ELF2: variants seen among roughly 807,000 people sequenced by gnomAD.
ELF2 encodes E74 like ETS transcription factor 2, also known as ETS-related transcription factor Elf-2.
Under a neutral mutation model 54.8 loss-of-function variants are expected in ELF2, and 11 were observed. The observed-to-expected ratio is 0.20, with a 90% confidence interval of 0.13 to 0.33. The LOEUF (loss-of-function observed/expected upper bound fraction) is 0.33. ELF2 is among the 10% of genes least tolerant of loss of function. The probability of loss-of-function intolerance (pLI) is 1.00; values close to 1 mark genes in which losing one functional copy is unlikely to be tolerated. For synonymous variants in ELF2, 203 were observed against 245.1 expected, an observed-to-expected ratio of 0.83 and a Z score of 1.61; for missense variants, 513 against 703.0, an observed-to-expected ratio of 0.73 and a Z score of 3.06.
intron 1 of ELF2, among the ~76,000 whole-genome samples, chr4:139,146,705 C>A (rs1442220551): frequency 6.6e-6 from 1 of 151,984 alleles, no homozygotes; most frequent in African/African-American, 2.4e-5. Flanking sequence ...ATTAAAGAAT[C>A]CAGAAATAAA....
intron 1 of ELF2, among the ~76,000 whole-genome samples, chr4:139,176,403 C>A (rs970544365): frequency 7.9e-5 from 12 of 152,186 alleles, no homozygotes; most frequent in Non-Finnish European, 1.3e-4. Context: ...CAGCGCCCCC[C>A]CCCGCCTGCC....
rs570898307 is a variant in ELF2, at chr4:139,139,799, T to TC, written c.-251-303dup. Among the ~76,000 whole-genome samples, 429 of 152,214 alleles carry TC rather than the reference T, an allele frequency of 2.8e-3. 4 individuals carry two copies. The highest frequency in any genetic ancestry group is 9.8e-3 in the African/African-American group (409 of 41,530). ...CATTTCAAACAGGTTCTTTTTTTTTTCTCCATTGGGCAAGTTCTAATAACA... is the reference window on the plus strand; with the variant it reads ...CATTTCAAACAGGTTCTTTTTTTTTTCCTCCATTGGGCAAGTTCTAATAACA... On this transcript the variant is annotated intron_variant, in intron 1 of 9. Transcript: ENST00000686138.
intron 1 of ELF2, among the ~76,000 whole-genome samples, chr4:139,151,076 GAAA>G: frequency 7.3e-6 from 1 of 137,868 alleles, no homozygotes; most frequent in Non-Finnish European, 1.6e-5. Flanking sequence ...AAGAAAGAAA[GAAA>G]GAAAGAAAGA....
chr4:139,093,939 C>T (rs369724374), intron 4 of ELF2, among the ~76,000 whole-genome samples: 3 of 148,508 alleles, frequency 2.0e-5, no homozygotes, highest in East Asian at 2.0e-4. Flanking sequence ...TAACTCATTG[C>T]CCAGGCTGGA....
chr4:139,150,646 C>T (rs1173065579), intron 1 of ELF2, among the ~76,000 whole-genome samples: 2 of 151,262 alleles, frequency 1.3e-5, no homozygotes, highest in Non-Finnish European at 2.9e-5. Flanking sequence ...TCAAATATAC[C>T]AATGGAACAC....
intron 1 of ELF2, among the ~76,000 whole-genome samples, chr4:139,146,432 T>C (rs1219473831): frequency 6.6e-6 from 1 of 152,170 alleles, no homozygotes; most frequent in Non-Finnish European, 1.5e-5. Flanking sequence ...ATCAATATCA[T>C]GAAAATGACC....
chr4:139,156,458 C>T (rs1172798639), intron 1 of ELF2, among the ~76,000 whole-genome samples: 2 of 152,120 alleles, frequency 1.3e-5, no homozygotes, highest in Admixed American at 6.6e-5. Context: ...GGATTACAGG[C>T]GTTAGCCACC....
intron 4 of ELF2, among the ~76,000 whole-genome samples, chr4:139,094,805 T>C (rs183347846): frequency 9.8e-4 from 149 of 152,344 alleles, no homozygotes; most frequent in Non-Finnish European, 1.5e-3. Flanking sequence ...AGGCATCTAA[T>C]TTTAGATTTA....
chr4:139,091,644 C>G (rs934763168), intron 4 of ELF2, among the ~76,000 whole-genome samples: 1 of 152,004 alleles, frequency 6.6e-6, no homozygotes, highest in Non-Finnish European at 1.5e-5. Context: ...CCATTGCACC[C>G]GGCTATTTTT....
intron 3 of ELF2, among the ~76,000 whole-genome samples, chr4:139,130,239 TA>T (rs888327578): frequency 2.3e-4 from 34 of 147,888 alleles, no homozygotes; most frequent in East Asian, 7.9e-4. Context: ...CAAACAACAA[TA>T]AAAAAAAAAT....
intron 4 of ELF2, among the ~76,000 whole-genome samples, chr4:139,117,099 A>G (rs897405534): frequency 6.6e-6 from 1 of 152,208 alleles, no homozygotes; most frequent in Admixed American, 6.5e-5. Flanking sequence ...TAATTAACTA[A>G]TAAGACTAAA....
At chr4:139,090,912 G>C (rs540895489) in intron 4 of ELF2, among the ~76,000 whole-genome samples, 1 of 88,388 alleles carries the variant, frequency 1.1e-5, no homozygotes, top group Non-Finnish European at 2.3e-5. Context: ...TATAGTATAT[G>C]GTTTGTTTTG....
At chr4:139,093,227 A>C (rs1196869469) in intron 4 of ELF2, among the ~76,000 whole-genome samples, 1 of 152,064 alleles carries the variant, frequency 6.6e-6, no homozygotes, top group East Asian at 1.9e-4. Flanking sequence ...GGCCTCCCAA[A>C]GTGCTGGGAT....
At chr4:139,166,499 G>C (rs1741738504) in intron 1 of ELF2, among the ~76,000 whole-genome samples, 2 of 152,106 alleles carry the variant, frequency 1.3e-5, no homozygotes, top group African/African-American at 4.8e-5. Context: ...AAGCTCAATG[G>C]ACTAAAAATT....
chr4:139,172,301 T>G (rs1742384525), intron 1 of ELF2, among the ~76,000 whole-genome samples: 1 of 152,228 alleles, frequency 6.6e-6, no homozygotes, highest in Non-Finnish European at 1.5e-5. Context: ...TTACCCACAG[T>G]CAAACATGGT....
intron 4 of ELF2, among the ~76,000 whole-genome samples, chr4:139,082,993 C>T (rs893489126): frequency 2.0e-5 from 3 of 152,222 alleles, no homozygotes; most frequent in Non-Finnish European, 4.4e-5. Context: ...CCTCTTCCCT[C>T]CAATTCCATG....
In ELF2 at chr4:139,079,027, G is replaced by A. The variant is rs1333408398; in HGVS notation, c.239-5460C>T. On this transcript the variant is annotated intron_variant, in intron 4 of 9. Transcript: ENST00000686138. The stretch of plus-strand genomic sequence containing the variant: ...CACTGTAGCTTAGATCTCCTGGGGT[G>A]TGATCCTCCTACCTCAGCGTCTCAA... Among the ~76,000 whole-genome samples the A allele has an allele frequency of 5.3e-5, 8 of 152,234 alleles. No homozygotes were observed. The East Asian group carries it at 1.5e-3, about 29-fold the overall frequency.
chr4:139,167,241 C>T (rs1174381440), intron 1 of ELF2, among the ~76,000 whole-genome samples: 1 of 152,108 alleles, frequency 6.6e-6, no homozygotes, highest in Non-Finnish European at 1.5e-5. Context: ...ACTGGAATAT[C>T]TTATTTAAGA....
chr4:139,109,334 A>C (rs1015121205), intron 4 of ELF2, among the ~76,000 whole-genome samples: 1 of 152,204 alleles, frequency 6.6e-6, no homozygotes, highest in Non-Finnish European at 1.5e-5. Flanking sequence ...CCACGGCATG[A>C]GACGAGCAGC....
Sources: allele counts gnomAD v4.1 joint callset (sites outside exome capture counted in the v4.1 genomes callset), GRCh38; gene constraint gnomAD v4.1.1; transcripts MANE v1.5; gene names NCBI Gene and HGNC (gene_info 2026-07-23, HGNC 2026-07-21).